Variants in TBC1D19 observed in about 807,000 individuals in gnomAD.
The protein encoded by TBC1D19 is TBC1 domain family, member 19.
TBC1D19 carries 60 observed loss-of-function variants against 89.0 expected under a neutral mutation model. That is an observed-to-expected ratio of 0.67 (90% confidence interval 0.55 to 0.84). The LOEUF is 0.84. Among genes scored for constraint, TBC1D19 ranks in the 40% least tolerant of loss-of-function variants. The probability of loss-of-function intolerance (pLI) is 0.00; values close to 1 mark genes in which losing one functional copy is unlikely to be tolerated. For synonymous variants in TBC1D19, 189 were observed against 199.7 expected (o/e 0.95, Z 0.45); for missense variants, 500 against 610.8 (o/e 0.82, Z 1.91).
intron 1 of TBC1D19, among the ~76,000 whole-genome samples, chr4:26,605,416 G>T (rs1296147522): frequency 6.6e-6 from 1 of 151,656 alleles, no homozygotes. Context: ...GTATTCCATG[G>T]TGTATATGTG....
In TBC1D19 at chr4:26,722,234, CTTACTT is replaced by C. The variant is rs530615366; in HGVS notation, c.1084+2113_1084+2118del. 7.2e-5 allele frequency among the ~76,000 whole-genome samples: 11 copies of C among 152,204 alleles called. No homozygotes were observed. The East Asian group carries it at 2.1e-3, about 29-fold the overall frequency. ...ATTGTTACATCTATTATCCCAGAAA[CTTACTT>C]TTATAGTAACTTTTTATATTTTATC... On this transcript the variant is annotated intron_variant, in intron 15 of 20. Coordinates refer to ENST00000264866, the MANE Select transcript of TBC1D19 (RefSeq NM_018317.4).
chr4:26,856,613 T>C, the TBC1D19 span, among the ~76,000 whole-genome samples: 1 of 152,212 alleles, frequency 6.6e-6, no homozygotes, highest in East Asian at 1.9e-4. Flanking sequence ...AGGGTTTCCT[T>C]TTCTCCACAT....
chr4:26,692,468 C>G (rs1171455331), intron 13 of TBC1D19, among the ~76,000 whole-genome samples: 2 of 152,168 alleles, frequency 1.3e-5, no homozygotes, highest in Non-Finnish European at 2.9e-5. Context: ...CAGTGTCTTT[C>G]TCACAAAGCA....
intron 15 of TBC1D19, among the ~76,000 whole-genome samples, chr4:26,733,639 T>C (rs949036068): frequency 1.3e-5 from 2 of 152,218 alleles, no homozygotes; most frequent in Admixed American, 6.5e-5. Flanking sequence ...TCAGCATTTT[T>C]ATATTGCTTT....
intron 13 of TBC1D19, among the ~76,000 whole-genome samples, chr4:26,701,052 C>A (rs978609449): frequency 6.6e-6 from 1 of 152,156 alleles, no homozygotes; most frequent in Non-Finnish European, 1.5e-5. Flanking sequence ...TTCCAGCCAC[C>A]CTGATCTTTA....
At chr4:26,661,755 A>T (rs1745232800) in intron 8 of TBC1D19, among the ~76,000 whole-genome samples, 1 of 152,338 alleles carries the variant, frequency 6.6e-6, no homozygotes, top group South Asian at 2.1e-4. Flanking sequence ...GGAAAACAGC[A>T]TGACAGTATA....
chr4:26,788,219 A>AG, the TBC1D19 span, among the ~76,000 whole-genome samples: 103 of 152,174 alleles, frequency 6.8e-4, no homozygotes, highest in Non-Finnish European at 9.7e-4. Context: ...CAAACCACAC[A>AG]GGGGGGCTGA....
intron 7 of TBC1D19, among the ~76,000 whole-genome samples, chr4:26,644,633 T>C (rs1743790170): frequency 6.6e-6 from 1 of 152,198 alleles, no homozygotes; most frequent in Non-Finnish European, 1.5e-5. Flanking sequence ...AGTCAAACTG[T>C]CCCTGTTTGC....
At chr4:26,836,337 C>G in the TBC1D19 span, among the ~76,000 whole-genome samples, 1 of 152,150 alleles carries the variant, frequency 6.6e-6, no homozygotes, top group Non-Finnish European at 1.5e-5. Context: ...GGTTCCTCAA[C>G]AAATGTATTT....
At chr4:26,796,867 AG>A in the TBC1D19 span, among the ~76,000 whole-genome samples, 3,151 of 152,316 alleles carry the variant, frequency 0.021, 45 homozygotes, top group Non-Finnish European at 0.034. Flanking sequence ...GAAGGTAAAC[AG>A]GTAAACTTTT....
At chr4:26,577,736 A>G (rs969503892) in intron 1 of TBC1D19, among the ~76,000 whole-genome samples, 4 of 152,210 alleles carry the variant, frequency 2.6e-5, no homozygotes, top group Non-Finnish European at 4.4e-5. Context: ...GGGCCACTGG[A>G]TTCAGTGTCA....
intron 1 of TBC1D19, among the ~76,000 whole-genome samples, chr4:26,595,005 A>T (rs1421220369): frequency 6.6e-6 from 1 of 152,270 alleles, no homozygotes; most frequent in African/African-American, 2.4e-5. Flanking sequence ...GTTAACCATC[A>T]GAAACTGACA....
intron 17 of TBC1D19, 81 bp from the exon 18 acceptor site, chr4:26,742,427 T>C: frequency 8.4e-7 from 1 of 1,192,916 alleles, no homozygotes; most frequent in Non-Finnish European, 1.2e-6. Context: ...TTTCTCATTT[T>C]CCATTTGAAT....
the TBC1D19 span, among the ~76,000 whole-genome samples, chr4:26,785,523 C>T: frequency 5.7e-3 from 861 of 152,284 alleles, 1 homozygote; most frequent in Admixed American, 8.0e-3. Flanking sequence ...ATAGTTATTC[C>T]TCTCAAGAAG....
At chr4:26,744,966 A>G (rs1160444315) in intron 18 of TBC1D19, among the ~76,000 whole-genome samples, 1 of 152,190 alleles carries the variant, frequency 6.6e-6, no homozygotes, top group Non-Finnish European at 1.5e-5. Context: ...AAATGTGATC[A>G]GCTCTAATTA....
chr4:26,594,308 G>T (rs1740044033), intron 1 of TBC1D19, among the ~76,000 whole-genome samples: 1 of 152,158 alleles, frequency 6.6e-6, no homozygotes, highest in African/African-American at 2.4e-5. Context: ...CATGGACACA[G>T]GAAGGGGAAC....
rs141088332 is a variant in TBC1D19, at chr4:26,733,678, T to A, written c.1085-1777T>A. On this transcript the variant is annotated intron_variant, in intron 15 of 20. Coordinates refer to ENST00000264866, the MANE Select transcript of TBC1D19 (RefSeq NM_018317.4). ...TGAGGACATGGTATACTTATCAAAT[T>A]TTTCAGTTTTGTAGAATCAGGAGAA... is the stretch of plus-strand genomic sequence containing the variant. 2.6e-3 allele frequency among the ~76,000 whole-genome samples: 390 copies of A among 152,340 alleles called. 3 individuals are homozygous for A. Among genetic ancestry groups the A allele is most frequent in the African/African-American group, 9.1e-3 (378 of 41,578 alleles).
intron 1 of TBC1D19, among the ~76,000 whole-genome samples, chr4:26,603,133 G>A (rs981265150): frequency 3.9e-5 from 6 of 152,126 alleles, no homozygotes; most frequent in Non-Finnish European, 7.4e-5. Context: ...TGTTGCCAAC[G>A]ATAAAATTTA....
chr4:26,588,000 C>T (rs554254450), intron 1 of TBC1D19, among the ~76,000 whole-genome samples: 2 of 149,170 alleles, frequency 1.3e-5, no homozygotes, highest in African/African-American at 4.9e-5. Context: ...CCCCTCCTTC[C>T]TTCCTTATAC....
Sources: allele counts gnomAD v4.1 joint callset (sites outside exome capture counted in the v4.1 genomes callset), GRCh38; gene constraint gnomAD v4.1.1; transcripts MANE v1.5; gene names NCBI Gene and HGNC (gene_info 2026-07-23, HGNC 2026-07-21).